PRDM16: variants seen among roughly 807,000 people sequenced by gnomAD.
PRDM16 encodes the protein PR/SET domain 16, also known as histone-lysine N-methyltransferase PRDM16.
A neutral mutation model predicts 110.6 loss-of-function variants in PRDM16; 23 were observed. That is an observed-to-expected ratio of 0.21 (90% CI 0.15 to 0.29). PRDM16 has a LOEUF of 0.29. PRDM16 is among the 10% of genes least tolerant of loss of function. PRDM16 has a pLI of 1.00. For synonymous variants in PRDM16, 799 were observed against 781.8 expected, an observed-to-expected ratio of 1.02 and a Z score of -0.37; for missense variants, 1,615 against 1,794.3, an observed-to-expected ratio of 0.90 and a Z score of 1.81.
chr1:3,287,912 A>T (rs1322028537), intron 3 of PRDM16, among the ~76,000 whole-genome samples: 1 of 152,224 alleles, frequency 6.6e-6, no homozygotes, highest in African/African-American at 2.4e-5. Context: ...AGCCTCGCAC[A>T]CCCTCAGGTT....
intron 3 of PRDM16, among the ~76,000 whole-genome samples, chr1:3,273,920 G>A (rs190584777): frequency 1.8e-4 from 24 of 133,080 alleles, no homozygotes; most frequent in Admixed American, 1.8e-3. Flanking sequence ...GCATGTAAGT[G>A]TTGTGTGCGT....
At chr1:3,363,439 G>A (rs777383432) in intron 3 of PRDM16, among the ~76,000 whole-genome samples, 2 of 152,162 alleles carry the variant, frequency 1.3e-5, no homozygotes, top group African/African-American at 2.4e-5. Context: ...CTGGATGCTC[G>A]GGGCCGAGGG....
chr1:3,336,457 C>G (rs1164529105), intron 3 of PRDM16, among the ~76,000 whole-genome samples: 1 of 139,878 alleles, frequency 7.1e-6, no homozygotes, highest in Non-Finnish European at 1.6e-5. Context: ...TTGGAGTGAG[C>G]CTGTGTGTGT....
At chr1:3,114,187 A>ACGCGCG (rs1557455923) in intron 1 of PRDM16, among the ~76,000 whole-genome samples, 14 of 96,500 alleles carry the variant, frequency 1.5e-4, no homozygotes, top group Middle Eastern at 6.0e-3. Flanking sequence ...ACACACACGC[A>ACGCGCG]CACACGCACA....
intron 1 of PRDM16, among the ~76,000 whole-genome samples, chr1:3,100,621 G>A (rs1476916195): frequency 6.6e-6 from 1 of 152,196 alleles, no homozygotes; most frequent in Non-Finnish European, 1.5e-5. Context: ...CAGTTCCCGA[G>A]GGGCATTTGA....
intron 1 of PRDM16, among the ~76,000 whole-genome samples, chr1:3,180,224 C>A (rs1360574267): frequency 6.6e-6 from 1 of 151,138 alleles, no homozygotes; most frequent in African/African-American, 2.4e-5. Flanking sequence ...CTCCCACCCC[C>A]CAGGCCAAGA....
intron 3 of PRDM16, among the ~76,000 whole-genome samples, chr1:3,344,546 G>GT (rs1159550837): frequency 1.3e-5 from 2 of 152,160 alleles, no homozygotes; most frequent in East Asian, 1.9e-4. Context: ...ATTGGCTGTG[G>GT]TTTTTTCTAG....
At chr1:3,133,079 C>T (rs1297370145) in intron 1 of PRDM16, 2 of 152,282 alleles carry the variant, frequency 1.3e-5, no homozygotes, top group Non-Finnish European at 2.9e-5. Flanking sequence ...GGGTGGTGGT[C>T]ACTGCCAGAC....
chr1:3,100,471 G>A (rs1642505135), intron 1 of PRDM16, among the ~76,000 whole-genome samples: 1 of 152,066 alleles, frequency 6.6e-6, no homozygotes, highest in Non-Finnish European at 1.5e-5. Flanking sequence ...TGGGGCAGGT[G>A]AGCTGCTCTC....
intron 2 of PRDM16, among the ~76,000 whole-genome samples, chr1:3,212,289 C>T (rs1208623951): frequency 3.4e-4 from 51 of 152,200 alleles, no homozygotes; most frequent in Admixed American, 3.3e-3. Context: ...CCTCATTTGT[C>T]CCCGCTGGGG....
chr1:3,352,418 G>A (rs571956114), intron 3 of PRDM16, among the ~76,000 whole-genome samples: 2 of 152,180 alleles, frequency 1.3e-5, no homozygotes, highest in Admixed American at 6.5e-5. Flanking sequence ...CGAAGCCGGC[G>A]CCCCCCTTGC....
intron 3 of PRDM16, among the ~76,000 whole-genome samples, chr1:3,298,268 C>A (rs1641132804): frequency 1.3e-5 from 2 of 152,242 alleles, no homozygotes; most frequent in Admixed American, 1.3e-4. Flanking sequence ...GAGTCCTGCA[C>A]CCCTCTCCTT....
intron 3 of PRDM16, among the ~76,000 whole-genome samples, chr1:3,326,872 C>T (rs1418437130): frequency 6.6e-6 from 1 of 152,220 alleles, no homozygotes; most frequent in African/African-American, 2.4e-5. Context: ...CTGGGCCATG[C>T]TCAGCCTCAC....
chr1:3,346,291 C>T (rs1166978223), intron 3 of PRDM16, among the ~76,000 whole-genome samples: 1 of 152,174 alleles, frequency 6.6e-6, no homozygotes, highest in Non-Finnish European at 1.5e-5. Context: ...GGTGTTTGTG[C>T]GTCGAGTTCT....
rs571496121 is a variant in PRDM16, at chr1:3,377,485, T to A, written c.439-7667T>A. On this transcript the variant is annotated intron_variant, in intron 3 of 16. Coordinates refer to ENST00000270722, the MANE Select transcript of PRDM16 (RefSeq NM_022114.4). Reference sequence around the variant, plus strand: ...AATTATATGCAAAAAATGTAAAGGTTAAGAGAAATTTTCCCCCACTTCACT... The same window carrying A: ...AATTATATGCAAAAAATGTAAAGGTAAAGAGAAATTTTCCCCCACTTCACT... Among the ~76,000 whole-genome samples the A allele has an allele frequency of 3.3e-5, 5 of 152,220 alleles. No homozygotes were observed. In the East Asian group the frequency reaches 9.7e-4, roughly 29 times the overall value.
intron 3 of PRDM16, among the ~76,000 whole-genome samples, chr1:3,331,376 C>G (rs1229239701): frequency 6.6e-6 from 1 of 152,180 alleles, no homozygotes; most frequent in Non-Finnish European, 1.5e-5. Flanking sequence ...TGGACCCTCT[C>G]TGCAGAGAAC....
chr1:3,138,770 C>T (rs1007401760), intron 1 of PRDM16, among the ~76,000 whole-genome samples: 2 of 152,226 alleles, frequency 1.3e-5, no homozygotes, highest in Admixed American at 6.5e-5. Context: ...CTCAGGGTCA[C>T]GTTGGTCATC....
intron 3 of PRDM16, among the ~76,000 whole-genome samples, chr1:3,321,272 G>GTATGTGAGTGTGGCAGTACACA (rs971020992): frequency 3.9e-5 from 6 of 152,064 alleles, no homozygotes; most frequent in Admixed American, 6.5e-5. Context: ...ATATTTATGT[G>GTATGTGAGTGTGGCAGTACACA]TATGTGAGTG....
chr1:3,216,316 G>C (rs1306539629), intron 2 of PRDM16, among the ~76,000 whole-genome samples: 1 of 152,138 alleles, frequency 6.6e-6, no homozygotes, highest in African/African-American at 2.4e-5. Context: ...GGTTGTCACA[G>C]TGCTGTCACT....
Sources: allele counts gnomAD v4.1 joint callset (sites outside exome capture counted in the v4.1 genomes callset), GRCh38; gene constraint gnomAD v4.1.1; transcripts MANE v1.5; gene names NCBI Gene and HGNC (gene_info 2026-07-23, HGNC 2026-07-21).